The following CFDP1 variants were observed in gnomAD, a reference collection of about 807,000 sequenced individuals.
CFDP1 encodes heterochromatin-stabilizing protein CFDP1.
CFDP1 carries 31 observed loss-of-function variants against 40.1 expected under a neutral mutation model. The observed-to-expected ratio is 0.77, with a 90% CI of 0.58 to 1.04. CFDP1 has a LOEUF of 1.04. Ranked by LOEUF, CFDP1 falls within the 50% of genes least tolerant of loss-of-function variation. The pLI is 0.00. For missense variants in CFDP1, 423 were observed against 343.4 expected (o/e 1.23, Z -1.83); for synonymous variants, 167 against 120.0 (o/e 1.39, Z -2.56).
At chr16:75,408,281 C>T (rs1337326337) in intron 4 of CFDP1, among the ~76,000 whole-genome samples, 1 of 151,980 alleles carries the variant, frequency 6.6e-6, no homozygotes, top group African/African-American at 2.4e-5. Flanking sequence ...ATGAAAATAT[C>T]TCTGTGTTAC....
intron 1 of CFDP1, chr16:75,419,048 C>A: frequency 2.4e-6 from 1 of 415,370 alleles, no homozygotes; most frequent in Non-Finnish European, 4.9e-6. Flanking sequence ...GAGGCTGAGG[C>A]AGGAGGATCA....
At chr16:75,328,396 C>T (rs2078419224) in intron 5 of CFDP1, among the ~76,000 whole-genome samples, 1 of 148,690 alleles carries the variant, frequency 6.7e-6, no homozygotes, top group Non-Finnish European at 1.5e-5. Flanking sequence ...ACCAGCCTGG[C>T]CAACATGGTG....
At chr16:75,317,621 T>G (rs181541793) in intron 5 of CFDP1, among the ~76,000 whole-genome samples, 12 of 152,204 alleles carry the variant, frequency 7.9e-5, no homozygotes, top group Non-Finnish European at 1.8e-4. Context: ...AATTTACATT[T>G]CTGAGACACA....
intron 5 of CFDP1, among the ~76,000 whole-genome samples, chr16:75,371,849 T>C (rs560686566): frequency 6.6e-6 from 1 of 152,236 alleles, no homozygotes. Flanking sequence ...TTAAGTCTAC[T>C]GTTTCCTTGA....
intron 5 of CFDP1, among the ~76,000 whole-genome samples, chr16:75,378,157 G>T (rs2078817891): frequency 6.6e-6 from 1 of 152,140 alleles, no homozygotes; most frequent in Non-Finnish European, 1.5e-5. Context: ...CTCTGACAGG[G>T]ATGTGCGTTG....
intron 1 of CFDP1, among the ~76,000 whole-genome samples, chr16:75,420,283 C>T (rs1384951714): frequency 6.6e-6 from 1 of 152,162 alleles, no homozygotes; most frequent in African/African-American, 2.4e-5. Context: ...CTATAGTTAT[C>T]AACCAGATAT....
At chr16:75,387,094 T>C (rs1477700604) in intron 5 of CFDP1, among the ~76,000 whole-genome samples, 2 of 151,824 alleles carry the variant, frequency 1.3e-5, no homozygotes, top group South Asian at 4.2e-4. Context: ...TAGCATCCAC[T>C]GAAGAACATG....
intron 5 of CFDP1, among the ~76,000 whole-genome samples, chr16:75,334,028 T>C (rs551651545): frequency 4.6e-5 from 7 of 152,198 alleles, no homozygotes; most frequent in Non-Finnish European, 7.4e-5. Context: ...GAGAGACCAA[T>C]TTAACTCTGT....
intron 1 of CFDP1, among the ~76,000 whole-genome samples, chr16:75,418,329 G>A (rs1244194801): frequency 7.9e-6 from 1 of 127,372 alleles, no homozygotes; most frequent in African/African-American, 3.1e-5. Flanking sequence ...TTTTTGAGAC[G>A]CAGTCTCGCT....
At chr16:75,309,243 T>C (rs1365000996) in intron 5 of CFDP1, among the ~76,000 whole-genome samples, 1 of 152,250 alleles carries the variant, frequency 6.6e-6, no homozygotes, top group East Asian at 1.9e-4. Flanking sequence ...TCAGCACAGC[T>C]TTCAGAAAGG....
chr16:75,337,826 C>T (rs182104878), intron 5 of CFDP1, among the ~76,000 whole-genome samples: 2 of 152,302 alleles, frequency 1.3e-5, no homozygotes, highest in Admixed American at 1.3e-4. Flanking sequence ...TATAATTGGA[C>T]AAGAGATTTG....
chr16:75,370,901 T>C (rs1365773817), intron 5 of CFDP1, among the ~76,000 whole-genome samples: 1 of 152,134 alleles, frequency 6.6e-6, no homozygotes, highest in Non-Finnish European at 1.5e-5. Flanking sequence ...AAAGATCCAT[T>C]TGCAGAAATC....
chr16:75,368,156 T>C lies in CFDP1; in HGVS notation c.650+26934A>G, dbSNP rs543060920. 2.3e-3 allele frequency among the ~76,000 whole-genome samples: 350 copies of C among 152,282 alleles called. 2 individuals carry two copies. The highest frequency in any genetic ancestry group is 7.9e-3 in the African/African-American group (329 of 41,570). On this transcript the variant is annotated intron_variant, in intron 5 of 6. Coordinates refer to ENST00000283882, the MANE Select transcript of CFDP1 (RefSeq NM_006324.3). ...GAATATGTGGACCTTGTTTACATCC[T>C]GACTCAAGGAAAGTAGCTACAACAA...
chr16:75,419,365 T>C (rs1460549919), intron 1 of CFDP1, among the ~76,000 whole-genome samples: 1 of 152,202 alleles, frequency 6.6e-6, no homozygotes, highest in African/African-American at 2.4e-5. Flanking sequence ...ATTTATATTG[T>C]TCCAATTGAT....
intron 4 of CFDP1, among the ~76,000 whole-genome samples, chr16:75,403,561 C>T (rs940858071): frequency 6.6e-6 from 1 of 152,144 alleles, no homozygotes; most frequent in East Asian, 1.9e-4. Flanking sequence ...GCTTTTTGTA[C>T]ACTCTATGTG....
chr16:75,395,993 G>T (rs2078992872), intron 4 of CFDP1, among the ~76,000 whole-genome samples: 1 of 106,002 alleles, frequency 9.4e-6, no homozygotes, highest in African/African-American at 2.8e-5. Context: ...GAGGAATGTT[G>T]TTTAAATGCA....
intron 6 of CFDP1, among the ~76,000 whole-genome samples, chr16:75,297,195 T>TGTGTGGGTGTGTGTGTG (rs1491320265): frequency 6.7e-6 from 1 of 150,030 alleles, no homozygotes; most frequent in Non-Finnish European, 1.5e-5. Context: ...TGTGTGTGTG[T>TGTGTGGGTGTGTGTGTG]TTTTAGTAGA....
chr16:75,335,442 TTA>T (rs2078479910), intron 5 of CFDP1, among the ~76,000 whole-genome samples: 1 of 152,240 alleles, frequency 6.6e-6, no homozygotes, highest in African/African-American at 2.4e-5. Flanking sequence ...TACCAGTTTC[TTA>T]TGTGTCCATC....
chr16:75,371,347 T>TTAAC (rs1555560051), intron 5 of CFDP1, among the ~76,000 whole-genome samples: 1 of 151,884 alleles, frequency 6.6e-6, no homozygotes, highest in Non-Finnish European at 1.5e-5. Flanking sequence ...AATTTCATAA[T>TTAAC]TATATATCTC....
Sources: allele counts gnomAD v4.1 joint callset (sites outside exome capture counted in the v4.1 genomes callset), GRCh38; gene constraint gnomAD v4.1.1; transcripts MANE v1.5; gene names NCBI Gene and HGNC (gene_info 2026-07-23, HGNC 2026-07-21).